COL22A1: variants seen among roughly 807,000 people sequenced by gnomAD.
COL22A1 encodes collagen type XXII alpha 1 chain, also known as collagen alpha-1(XXII) chain.
Under a neutral mutation model 248.9 loss-of-function variants are expected in COL22A1, and 221 were observed. The observed-to-expected ratio is 0.89, with a 90% CI of 0.80 to 0.99. The LOEUF (loss-of-function observed/expected upper bound fraction) is 0.99, where lower values mean the gene tolerates loss of function less well. Ranked by LOEUF, COL22A1 falls within the 50% of genes least tolerant of loss-of-function variation. The pLI is 0.00. For synonymous variants in COL22A1, 891 were observed against 793.4 expected, an observed-to-expected ratio of 1.12 and a Z score of -2.07; for missense variants, 2,240 against 2,179.0, an observed-to-expected ratio of 1.03 and a Z score of -0.56.
At chr8:138,647,650 A>C (rs958636765) in intron 46 of COL22A1, among the ~76,000 whole-genome samples, 2 of 152,122 alleles carry the variant, frequency 1.3e-5, no homozygotes, top group African/African-American at 2.4e-5. Context: ...CTGGAGTGTC[A>C]GCTGCTTGAC....
At chr8:138,879,690 C>CAAAAA (rs372214665) in intron 2 of COL22A1, among the ~76,000 whole-genome samples, 93 of 98,974 alleles carry the variant, frequency 9.4e-4, no homozygotes, top group Non-Finnish European at 9.8e-4. Flanking sequence ...GACACTCTCT[C>CAAAAA]AAAAAAAAAA....
chr8:138,656,231 T>C (rs897129898), intron 44 of COL22A1, among the ~76,000 whole-genome samples: 4 of 152,124 alleles, frequency 2.6e-5, no homozygotes, highest in African/African-American at 9.7e-5. Context: ...CTCCCAGCTT[T>C]CCCTCTTCCC....
intron 3 of COL22A1, among the ~76,000 whole-genome samples, chr8:138,862,040 AAAAAAAAG>A (rs1554647820): frequency 6.8e-6 from 1 of 146,954 alleles, no homozygotes; most frequent in African/African-American, 2.6e-5. Context: ...AAAAAAAAAA[AAAAAAAAG>A]AAAAAAAGAA....
chr8:138,691,688 A>AGGTGTGTGAG (rs1564199531), intron 35 of COL22A1, among the ~76,000 whole-genome samples: 1 of 3,250 alleles, frequency 3.1e-4, no homozygotes, highest in Non-Finnish European at 7.2e-4. Context: ...TGTACAGTGC[A>AGGTGTGTGAG]TGTGTGCATA....
At chr8:138,613,769 CAA>C in intron 56 of COL22A1, 96 bp downstream of exon 56, 1 of 1,126,458 alleles carries the variant, frequency 8.9e-7, no homozygotes, top group South Asian at 1.2e-5. Flanking sequence ...AATTTTTTAA[CAA>C]TATATACAGT....
intron 8 of COL22A1, 32 bp downstream of exon 8, chr8:138,812,907 C>T (rs779261523): frequency 4.5e-6 from 7 of 1,544,822 alleles, no homozygotes; most frequent in East Asian, 4.5e-5. Context: ...CACCCATTTC[C>T]TCCCATCCTC....
rs11326722 is a variant in COL22A1, at chr8:138,847,799, TAA to T, written c.659-3643_659-3642del. On this transcript the variant is annotated intron_variant, in intron 3 of 64. Transcript: ENST00000303045. Reference sequence around the variant, plus strand: ...CAATCCTAGGTGGGAGGCATAAGATTAAAAAAAAAAAAAAAACTTCTATTTGT... The same window carrying T: ...CAATCCTAGGTGGGAGGCATAAGATTAAAAAAAAAAAAAACTTCTATTTGT... Among the ~76,000 whole-genome samples, 469 of 139,862 alleles carry T rather than the reference TAA, an allele frequency of 3.4e-3. 3 individuals are homozygous for T. The highest frequency in any genetic ancestry group is 0.011 in the African/African-American group (440 of 38,630). The allele number at this position is 139,862 out of a possible 152,430, so 91.8% of individuals were successfully genotyped here. A position where few individuals can be genotyped will look rare whatever the true frequency, so the allele number is the denominator to read the frequency against.
chr8:138,650,719 CAGATAG>C (rs1349813385), intron 45 of COL22A1, among the ~76,000 whole-genome samples: 1 of 123,780 alleles, frequency 8.1e-6, no homozygotes, highest in Admixed American at 8.3e-5. Context: ...GATAGATAGA[CAGATAG>C]ACAGATACAC....
At position 138,694,834 on chromosome 8, in the gene COL22A1, C is replaced by T. The variant is rs745566922; in HGVS notation, c.2638G>A (p.Gly880Arg). The T allele has an allele frequency of 6.2e-7, 1 of 1,614,052 alleles. No individual in the cohort carries two copies. Among genetic ancestry groups the T allele is most frequent in the Non-Finnish European group, 8.5e-7 (1 of 1,179,968 alleles). ...GGACACAAGAGACTCACCGGTTCCCCAGGCAGGCCTGGATCGCCCTTCTCT... is the reference window on the plus strand; with the variant it reads ...GGACACAAGAGACTCACCGGTTCCCTAGGCAGGCCTGGATCGCCCTTCTCT... Reference protein sequence around the residue: ...KGEKGDPGLPGEPGLQGRPGE... With the variant: ...KGEKGDPGLPREPGLQGRPGE... The change falls in exon 33 of 65, where the codon GGG becomes AGG. Residue 880 changes from glycine (G) to arginine (R), a missense_variant. Transcript: ENST00000303045.
At chr8:138,628,204 A>G (rs1006214396) in intron 50 of COL22A1, among the ~76,000 whole-genome samples, 2 of 150,674 alleles carry the variant, frequency 1.3e-5, no homozygotes, top group African/African-American at 4.8e-5. Flanking sequence ...AAGCCTGCCA[A>G]ACAGTTTGTC....
chr8:138,877,896 CG>C lies in COL22A1; in HGVS notation c.511del (p.Arg171AlafsTer58). On this transcript the variant is annotated frameshift_variant, in exon 3 of 65. Coordinates refer to ENST00000303045, the MANE Select transcript of COL22A1 (RefSeq NM_152888.3). LOFTEE classifies it high-confidence loss of function. Reference protein sequence around the residue: ...AAAAAHRAGIRIFAVGVGEAL... With the variant: ...AAAAAHRAGIXIFAVGVGEAL... ...CTCGCCCACGCCCACGGCAAAGATGCGGATGCCAGCGCGGTGGGCTGCCGCC... is the reference window on the plus strand; with the variant it reads ...CTCGCCCACGCCCACGGCAAAGATGCGATGCCAGCGCGGTGGGCTGCCGCC... The C allele has an allele frequency of 6.2e-7, 1 of 1,611,212 alleles. No homozygotes were observed. The highest frequency in any genetic ancestry group is 8.5e-7 in the Non-Finnish European group (1 of 1,178,968).
intron 18 of COL22A1, among the ~76,000 whole-genome samples, chr8:138,756,510 T>G (rs2131368254): frequency 6.6e-6 from 1 of 152,286 alleles, no homozygotes; most frequent in Non-Finnish European, 1.5e-5. Flanking sequence ...CTATGGTGCC[T>G]TATGGCTAAA....
chr8:138,782,471 C>G (rs764354551), intron 12 of COL22A1, among the ~76,000 whole-genome samples: 1 of 152,222 alleles, frequency 6.6e-6, no homozygotes, highest in Admixed American at 6.5e-5. Flanking sequence ...ACCTCCTTGG[C>G]CTCCCAAAGT....
intron 2 of COL22A1, among the ~76,000 whole-genome samples, chr8:138,878,986 C>T (rs979093352): frequency 3.4e-5 from 5 of 147,990 alleles, no homozygotes; most frequent in African/African-American, 1.2e-4. Context: ...CCAGCCTGGG[C>T]GACAGAGCGA....
chr8:138,770,887 T>A (rs774580410), intron 16 of COL22A1, among the ~76,000 whole-genome samples: 1 of 152,218 alleles, frequency 6.6e-6, no homozygotes, highest in Non-Finnish European at 1.5e-5. Context: ...TGTTTTCTCT[T>A]TCTCTCTATC....
chr8:138,802,734 T>C (rs2131630090), intron 11 of COL22A1, 138 bp downstream of exon 11: 1 of 714,512 alleles, frequency 1.4e-6, no homozygotes, highest in Non-Finnish European at 2.5e-6. Context: ...GGGCTTCATC[T>C]TGAGGGTGGT....
chr8:138,770,903 AC>A (rs1266534201), intron 16 of COL22A1, among the ~76,000 whole-genome samples: 1 of 152,034 alleles, frequency 6.6e-6, no homozygotes, highest in Non-Finnish European at 1.5e-5. Flanking sequence ...CTATCCTCAA[AC>A]CCCATATATA....
At chr8:138,668,040 G>A (rs188005651) in intron 41 of COL22A1, among the ~76,000 whole-genome samples, 11 of 152,028 alleles carry the variant, frequency 7.2e-5, no homozygotes, top group African/African-American at 2.4e-4. Flanking sequence ...ATCGCTATAT[G>A]TTTATTTGGA....
intron 6 of COL22A1, among the ~76,000 whole-genome samples, chr8:138,824,433 G>A (rs1400588300): frequency 2.0e-5 from 3 of 151,956 alleles, no homozygotes; most frequent in Non-Finnish European, 2.9e-5. Flanking sequence ...TATTACTGCC[G>A]GCATCCACAC....
Sources: allele counts gnomAD v4.1 joint callset (sites outside exome capture counted in the v4.1 genomes callset), GRCh38; gene constraint gnomAD v4.1.1; transcripts MANE v1.5; gene names NCBI Gene and HGNC (gene_info 2026-07-23, HGNC 2026-07-21).